Variants in METTL24 observed in about 807,000 individuals in gnomAD.
The protein encoded by METTL24 is methyltransferase like 24, also known as probable methyltransferase-like protein 24.
METTL24 carries 29 observed loss-of-function variants against 32.7 expected under a neutral mutation model. That is an observed-to-expected ratio of 0.89 (90% CI 0.66 to 1.21). METTL24 has a LOEUF of 1.21. Among genes scored for constraint, METTL24 ranks in the 50% most tolerant of loss-of-function variants. METTL24 has a pLI of 0.00. For missense variants in METTL24, 439 were observed against 468.1 expected (o/e 0.94, Z 0.57); for synonymous variants, 163 against 179.5 (o/e 0.91, Z 0.73).
Position 110,357,873 on chromosome 6 carries a change from G to A in METTL24, c.318+82C>T, listed in dbSNP as rs143547313. 320 of 782,102 alleles carry A rather than the reference G, an allele frequency of 4.1e-4. 1 individual carries two copies. The African/African-American group carries it at 4.3e-3, about 10-fold the overall frequency. The allele number at this position is 782,102 out of a possible 1,614,324, so 48.4% of individuals were successfully genotyped here. On this transcript the variant is annotated intron_variant, in intron 1 of 4. Transcript: ENST00000338882. ...CGGAGGTCCCATCGAGGCGGCCTGC[G>A]GGACCTGAGCGCCGGGCTCCGTAGC...
chr6:110,284,822 CA>C (rs111614789), intron 4 of METTL24, among the ~76,000 whole-genome samples: 10 of 149,224 alleles, frequency 6.7e-5, no homozygotes, highest in Non-Finnish European at 1.0e-4. Flanking sequence ...GACATTAAAA[CA>C]AAAAAAAAAT....
Position 110,347,605 on chromosome 6 carries a change from A to G in METTL24, c.318+10350T>C, listed in dbSNP as rs150297658. ...AGCTCTTTAACCCACAATTGCTCCA[A>G]CTGGCCTCCCTTGAACTAAAGAGGT... On this transcript the variant is annotated intron_variant, in intron 1 of 4. Transcript: ENST00000338882. 3.3e-3 allele frequency among the ~76,000 whole-genome samples: 504 copies of G among 152,338 alleles called. 2 individuals are homozygous for G. Among genetic ancestry groups the G allele is most frequent in the African/African-American group, 0.012 (479 of 41,574 alleles).
chr6:110,274,326 C>T (rs1022925358), intron 4 of METTL24, among the ~76,000 whole-genome samples: 10 of 152,182 alleles, frequency 6.6e-5, no homozygotes, highest in African/African-American at 2.4e-4. Context: ...CTCCTGAGCT[C>T]AGGTGATCCG....
chr6:110,289,098 C>T (rs1484866389), intron 4 of METTL24, among the ~76,000 whole-genome samples: 1 of 151,964 alleles, frequency 6.6e-6, no homozygotes, highest in Non-Finnish European at 1.5e-5. Flanking sequence ...AAGACCAGGT[C>T]CTGAAGGTTA....
intron 4 of METTL24, among the ~76,000 whole-genome samples, chr6:110,261,876 TA>T (rs1304875556): frequency 9.2e-5 from 14 of 152,000 alleles, no homozygotes; most frequent in African/African-American, 3.4e-4. Context: ...ACTGGGTACA[TA>T]ACGAAATGAA....
rs535365530 is a variant in METTL24 at position 110,282,824 on chromosome 6, T to A, written c.786+16098A>T. Reference sequence around the variant, plus strand: ...GTTTCTAAAGAAAGAGCTGTGATATTTTTTTGTGGCCAGCCTCTTTCTTTG... The same window carrying A: ...GTTTCTAAAGAAAGAGCTGTGATATATTTTTGTGGCCAGCCTCTTTCTTTG... On this transcript the variant is annotated intron_variant, in intron 4 of 4. Transcript: ENST00000338882. Among the ~76,000 whole-genome samples the A allele has an allele frequency of 2.6e-5, 4 of 152,284 alleles. No homozygotes were observed. The East Asian group carries it at 5.8e-4, about 22-fold the overall frequency.
At chr6:110,320,952 T>A (rs1182390246) in intron 2 of METTL24, among the ~76,000 whole-genome samples, 1 of 151,738 alleles carries the variant, frequency 6.6e-6, no homozygotes, top group Admixed American at 6.6e-5. Flanking sequence ...AAAAAAAAAA[T>A]TTGGCCAGGC....
intron 1 of METTL24, among the ~76,000 whole-genome samples, chr6:110,341,399 T>C (rs970808605): frequency 6.6e-6 from 1 of 152,246 alleles, no homozygotes; most frequent in African/African-American, 2.4e-5. Flanking sequence ...CTGCTCCTGA[T>C]TGAGGTTCCT....
intron 1 of METTL24, among the ~76,000 whole-genome samples, chr6:110,353,646 C>T (rs780397272): frequency 1.0e-4 from 15 of 148,776 alleles, no homozygotes; most frequent in Non-Finnish European, 1.8e-4. Flanking sequence ...AGCTCTGTGA[C>T]TCAGAAGTCA....
chr6:110,284,403 A>T (rs1771184931), intron 4 of METTL24, among the ~76,000 whole-genome samples: 1 of 152,162 alleles, frequency 6.6e-6, no homozygotes, highest in Non-Finnish European at 1.5e-5. Flanking sequence ...TTAAAAAGAG[A>T]CTTCTTTATC....
intron 4 of METTL24, among the ~76,000 whole-genome samples, chr6:110,260,738 G>A (rs1770702541): frequency 6.6e-6 from 1 of 152,278 alleles, no homozygotes; most frequent in African/African-American, 2.4e-5. Context: ...ACCCACAAAA[G>A]GGAAGCCCAT....
chr6:110,321,552 C>G (rs1036478004), intron 2 of METTL24, among the ~76,000 whole-genome samples: 2 of 152,150 alleles, frequency 1.3e-5, no homozygotes, highest in South Asian at 4.1e-4. Flanking sequence ...AGATTCTTAT[C>G]GTTCATGTAA....
rs568014558 is a variant in METTL24 at position 110,252,578 on chromosome 6, A to G, written c.787-6318T>C. On this transcript the variant is annotated intron_variant, in intron 4 of 4. Transcript: ENST00000338882. Reference sequence around the variant, plus strand: ...CAGGTATTTTTGCTATGCTCTATTTAGAGGCAACCACTATCTCCATAAGCA... The same window carrying G: ...CAGGTATTTTTGCTATGCTCTATTTGGAGGCAACCACTATCTCCATAAGCA... 6.6e-5 allele frequency among the ~76,000 whole-genome samples: 10 copies of G among 152,330 alleles called. No homozygotes were observed. In the South Asian group the frequency reaches 2.1e-3, roughly 32 times the overall value.
At chr6:110,334,180 G>A (rs997489645) in intron 1 of METTL24, among the ~76,000 whole-genome samples, 6 of 152,046 alleles carry the variant, frequency 3.9e-5, no homozygotes, top group African/African-American at 1.2e-4. Context: ...CAACCCGGGG[G>A]CCCACAGGGC....
At chr6:110,318,761 G>A (rs938767622) in intron 2 of METTL24, among the ~76,000 whole-genome samples, 2 of 151,412 alleles carry the variant, frequency 1.3e-5, no homozygotes, top group African/African-American at 4.9e-5. Flanking sequence ...ATTAGCTTTT[G>A]TAAACAACTG....
intron 4 of METTL24, among the ~76,000 whole-genome samples, chr6:110,247,767 C>T (rs1778195431): frequency 6.6e-6 from 1 of 152,180 alleles, no homozygotes; most frequent in Non-Finnish European, 1.5e-5. Context: ...AACAACAAGA[C>T]GTATGCTACC....
intron 4 of METTL24, among the ~76,000 whole-genome samples, chr6:110,283,959 G>A (rs1318179435): frequency 6.6e-6 from 1 of 152,122 alleles, no homozygotes; most frequent in African/African-American, 2.4e-5. Context: ...TAAGCAAAAT[G>A]CAATCTATAC....
chr6:110,345,604 G>A (rs1772456686), intron 1 of METTL24, among the ~76,000 whole-genome samples: 1 of 152,200 alleles, frequency 6.6e-6, no homozygotes. Flanking sequence ...CCATAAAAAA[G>A]AATGAGATCA....
intron 4 of METTL24, among the ~76,000 whole-genome samples, chr6:110,279,385 T>C (rs1278174705): frequency 1.3e-5 from 2 of 152,278 alleles, no homozygotes; most frequent in African/African-American, 4.8e-5. Flanking sequence ...CAAAGCTTTA[T>C]GGGAATTCAA....
Sources: allele counts gnomAD v4.1 joint callset (sites outside exome capture counted in the v4.1 genomes callset), GRCh38; gene constraint gnomAD v4.1.1; transcripts MANE v1.5; gene names NCBI Gene and HGNC (gene_info 2026-07-23, HGNC 2026-07-21).